The following UBE2B variants were observed in gnomAD, a reference collection of about 807,000 sequenced individuals.
UBE2B encodes the protein ubiquitin-conjugating enzyme E2 B.
In UBE2B, 11 loss-of-function variants were observed where a neutral mutation model predicts 24.6. The ratio of observed to expected loss-of-function variants is 0.45; its 90% CI spans 0.28 to 0.74. The LOEUF is 0.74. UBE2B is among the 30% of genes least tolerant of loss of function. The probability of loss-of-function intolerance (pLI) is 0.13; values close to 1 mark genes in which losing one functional copy is unlikely to be tolerated. For missense variants in UBE2B, 78 were observed against 185.6 expected, an observed-to-expected ratio of 0.42 and a Z score of 3.37; for synonymous variants, 68 against 62.4, an observed-to-expected ratio of 1.09 and a Z score of -0.42.
intron 4 of UBE2B, among the ~76,000 whole-genome samples, chr5:134,387,559 T>C (rs1758827499): frequency 6.6e-6 from 1 of 152,214 alleles, no homozygotes; most frequent in Admixed American, 6.5e-5. Flanking sequence ...GTTTGGCTCA[T>C]GGTTCTGGAG....
At chr5:134,388,059 C>G in intron 4 of UBE2B, 1 of 446,874 alleles carries the variant, frequency 2.2e-6, no homozygotes, top group East Asian at 4.3e-5. Context: ...CTGCCTCGGC[C>G]TCCCAAAGTG....
At chr5:134,380,633 A>G (rs1758692490) in intron 3 of UBE2B, 86 bp from the exon 4 acceptor site, 3 of 782,896 alleles carry the variant, frequency 3.8e-6, no homozygotes, top group Admixed American at 4.3e-5. Context: ...ATGTGGTTGT[A>G]CAAAAACCAG....
chr5:134,386,619 C>T (rs907800345), intron 4 of UBE2B, among the ~76,000 whole-genome samples: 4 of 149,856 alleles, frequency 2.7e-5, no homozygotes, highest in East Asian at 2.0e-4. Flanking sequence ...GCAACAAGAG[C>T]GAAACTCCAT....
intron 1 of UBE2B, among the ~76,000 whole-genome samples, 185 bp from the exon 2 acceptor site, chr5:134,374,198 G>A (rs1360011177): frequency 6.6e-6 from 1 of 152,118 alleles, no homozygotes; most frequent in Admixed American, 6.6e-5. Flanking sequence ...ATTTGGAGAG[G>A]TATTTAATAA....
intron 3 of UBE2B, among the ~76,000 whole-genome samples, chr5:134,379,921 CT>C (rs893910077): frequency 8.6e-4 from 127 of 147,916 alleles, no homozygotes; most frequent in Non-Finnish European, 1.4e-3. Flanking sequence ...TTTAACCTAC[CT>C]TTTTTTTTTG....
intron 5 of UBE2B, 146 bp downstream of exon 5, chr5:134,388,559 G>A: frequency 1.4e-6 from 1 of 729,698 alleles, no homozygotes; most frequent in Non-Finnish European, 2.5e-6. Flanking sequence ...GCCTACTTGG[G>A]ATCCAGTCTG....
At chr5:134,379,922 T>C (rs1432313560) in intron 3 of UBE2B, among the ~76,000 whole-genome samples, 4 of 147,930 alleles carry the variant, frequency 2.7e-5, no homozygotes, top group Middle Eastern at 3.5e-3. Context: ...TTAACCTACC[T>C]TTTTTTTTTG....
rs1334177850 is a variant in UBE2B, at chr5:134,391,053, A to G, written c.*700A>G. Reference sequence around the variant, plus strand: ...GTTACAGTTTCTTCATGCATTACTTACTGTTAAAACTGTACCTTTTGCGAT... The same window carrying G: ...GTTACAGTTTCTTCATGCATTACTTGCTGTTAAAACTGTACCTTTTGCGAT... On this transcript the variant is annotated 3_prime_UTR_variant, in exon 6 of 6. Coordinates refer to ENST00000265339, the MANE Select transcript of UBE2B (RefSeq NM_003337.4). 2.6e-5 allele frequency: 4 copies of G among 152,696 alleles called. No individual in the cohort carries two copies. Among genetic ancestry groups the G allele is most frequent in the African/African-American group, 9.7e-5 (4 of 41,448 alleles). The allele number at this position is 152,696 out of a possible 1,614,324, so 9.5% of individuals were successfully genotyped here. A position where few individuals can be genotyped will look rare whatever the true frequency, so the allele number is the denominator to read the frequency against.
intron 3 of UBE2B, among the ~76,000 whole-genome samples, chr5:134,378,533 G>A (rs762536899): frequency 2.6e-5 from 4 of 152,228 alleles, no homozygotes; most frequent in Middle Eastern, 6.8e-3. Context: ...AAGTGCTGAG[G>A]CATGAGCCAC....
chr5:134,380,622 T>C (rs1581322640), intron 3 of UBE2B, 97 bp from the exon 4 acceptor site: 2 of 723,112 alleles, frequency 2.8e-6, no homozygotes, highest in Middle Eastern at 3.7e-4. Flanking sequence ...TACTAACTTT[T>C]ATGTGGTTGT....
Position 134,390,201 on chromosome 5 carries a change from G to GT in UBE2B, c.331-18dup, listed in dbSNP as rs753844482. The stretch of plus-strand genomic sequence containing the variant: ...GTATAAAGAACAACTATGCAAATCT[G>GT]TTTTTTCTTTTCTTTCCTCCTAGTC... On this transcript the variant is annotated intron_variant, in intron 5 of 5. Transcript: ENST00000265339. This position sits in a 1 kb window ranked among gnomAD's most constrained non-coding sequence, Gnocchi z 4.6. 1.9e-6 allele frequency: 3 copies of GT among 1,613,366 alleles called. No individual in the cohort carries two copies. Among genetic ancestry groups the GT allele is most frequent in the Admixed American group, 3.3e-5 (2 of 59,986 alleles).
chr5:134,389,457 T>C (rs4958233), intron 5 of UBE2B, among the ~76,000 whole-genome samples: 150,506 of 152,312 alleles, frequency 0.99, 74,384 homozygotes, highest in Middle Eastern at 1. Flanking sequence ...TTAAGCTGTT[T>C]ATTTCCTTGG....
chr5:134,390,381 A>G lies in UBE2B; in HGVS notation c.*28A>G. ...GACAACTGGTCTGTTAATCTTTTTC[A>G]TCATTGTTGTGTATAATTTACCTCT... On this transcript the variant is annotated 3_prime_UTR_variant, in exon 6 of 6. Transcript: ENST00000265339. The surrounding 1 kb of genome is among the most constrained non-coding windows in gnomAD (Gnocchi z 4.6). 6.2e-7 allele frequency: 1 copy of G among 1,613,346 alleles called. No homozygotes were observed. Among genetic ancestry groups the G allele is most frequent in the Non-Finnish European group, 8.5e-7 (1 of 1,179,560 alleles).
intron 5 of UBE2B, chr5:134,389,134 G>A (rs1758858691): frequency 4.6e-6 from 1 of 217,592 alleles, no homozygotes; most frequent in African/African-American, 2.4e-5. Context: ...TGTATTTTTA[G>A]TAGAGATGGG....
At chr5:134,386,449 T>C (rs964463929) in intron 4 of UBE2B, among the ~76,000 whole-genome samples, 1 of 151,982 alleles carries the variant, frequency 6.6e-6, no homozygotes, top group African/African-American at 2.4e-5. Context: ...GGCCAACATA[T>C]GGCAAAACCC....
In UBE2B at chr5:134,376,348, A is replaced by AATATATATATATATAT. The variant is rs1190025064; in HGVS notation, c.126-319_126-304dup. 8.8e-3 allele frequency among the ~76,000 whole-genome samples: 42 copies of AATATATATATATATAT among 4,764 alleles called. 3 individuals are homozygous for AATATATATATATATAT. Among genetic ancestry groups the AATATATATATATATAT allele is most frequent in the Non-Finnish European group, 0.011 (20 of 1,804 alleles). The allele number at this position is 4,764 out of a possible 152,430, so 3.1% of individuals were successfully genotyped here. On this transcript the variant is annotated intron_variant, in intron 2 of 5. Transcript: ENST00000265339. ...AAAAAAAAAAAAAAAAAAAAAAAAA[A>AATATATATATATATAT]ATATATATATATATATACACATATG...
intron 1 of UBE2B, among the ~76,000 whole-genome samples, chr5:134,374,071 C>T (rs1356923178): frequency 6.6e-6 from 1 of 152,148 alleles, no homozygotes; most frequent in Non-Finnish European, 1.5e-5. Flanking sequence ...CTGTCTTCCA[C>T]AATGGTTGAA....
At chr5:134,388,090 C>A in intron 4 of UBE2B, 1 of 527,624 alleles carries the variant, frequency 1.9e-6, no homozygotes, top group Middle Eastern at 5.3e-4. Flanking sequence ...GCGTGAGCCA[C>A]CGTGCCCAGC....
chr5:134,387,259 T>C (rs991201172), intron 4 of UBE2B, among the ~76,000 whole-genome samples: 3 of 152,256 alleles, frequency 2.0e-5, no homozygotes, highest in Non-Finnish European at 4.4e-5. Flanking sequence ...CGCCTGGCCT[T>C]CTACTCTTAT....
Sources: allele counts gnomAD v4.1 joint callset (sites outside exome capture counted in the v4.1 genomes callset), GRCh38; gene constraint gnomAD v4.1.1; non-coding constraint Gnocchi (gnomAD v3.1); transcripts MANE v1.5; gene names NCBI Gene and HGNC (gene_info 2026-07-23, HGNC 2026-07-21).